PKD2L1: variants seen among roughly 807,000 people sequenced by gnomAD.
PKD2L1 encodes the protein polycystin 2 like 1, transient receptor potential cation channel.
In PKD2L1, 77 loss-of-function variants were observed where a neutral mutation model predicts 93.0. The observed-to-expected ratio is 0.83, with a 90% CI of 0.69 to 1.00. The LOEUF (loss-of-function observed/expected upper bound fraction) is 1.00. Among genes scored for constraint, PKD2L1 ranks in the 50% least tolerant of loss-of-function variants. The pLI is 0.00. For synonymous variants in PKD2L1, 390 were observed against 388.0 expected, an observed-to-expected ratio of 1.01 and a Z score of -0.06; for missense variants, 977 against 990.9, an observed-to-expected ratio of 0.99 and a Z score of 0.19.
At chr10:100,316,197 A>G (rs1849098098) in intron 2 of PKD2L1, among the ~76,000 whole-genome samples, 1 of 152,096 alleles carries the variant, frequency 6.6e-6, no homozygotes, top group Non-Finnish European at 1.5e-5. Flanking sequence ...TTTGAGACGG[A>G]GTCTTGCTTT....
chr10:100,327,630 C>T (rs1018493634), intron 2 of PKD2L1, among the ~76,000 whole-genome samples: 3 of 152,134 alleles, frequency 2.0e-5, no homozygotes, highest in Admixed American at 1.3e-4. Context: ...GCTGCTGTCA[C>T]GGGATCTGAA....
Position 100,295,070 on chromosome 10 carries a change from C to T in PKD2L1, c.1410G>A (p.Leu470=). 1 of 1,614,120 alleles carries T rather than the reference C, an allele frequency of 6.2e-7. No homozygotes were observed. The highest frequency in any genetic ancestry group is 8.5e-7 in the Non-Finnish European group (1 of 1,180,010). Residue 470 remains leucine, a synonymous_variant, in exon 8 of 16, where the codon CTG becomes CTA. Transcript: ENST00000318222. ...NKTMTQLSST[L]ARCAKDILGF... ...CCAGGATGTCCTTGGCACAGCGGGC[C>T]AGCGTGGAGGAGAGCTGGGTCATGG... is the stretch of plus-strand genomic sequence containing the variant.
rs1176781027 is a variant in PKD2L1 at position 100,306,876 on chromosome 10, AAGAG to A, written c.350-7162_350-7159del. On this transcript the variant is annotated intron_variant, in intron 2 of 15. Coordinates refer to ENST00000318222, the MANE Select transcript of PKD2L1 (RefSeq NM_016112.3). ...CTGTCAAAAAAAAAAAAAAAAAAGA[AAGAG>A]AGAGAAAGAAAGAAAGAAAAAACAA... Among the ~76,000 whole-genome samples the A allele has an allele frequency of 7.0e-4, 102 of 146,276 alleles. 1 individual carries two copies. The highest frequency in any genetic ancestry group is 2.5e-3 in the African/African-American group (97 of 39,392).
At chr10:100,322,214 G>A (rs61593299) in intron 2 of PKD2L1, among the ~76,000 whole-genome samples, 4 of 151,798 alleles carry the variant, frequency 2.6e-5, no homozygotes, top group Non-Finnish European at 5.9e-5. Flanking sequence ...AGCAAGGCCC[G>A]GTCTCAAAAC....
chr10:100,288,230 T>C lies in PKD2L1; in HGVS notation c.*166A>G. On this transcript the variant is annotated 3_prime_UTR_variant, in exon 16 of 16. Coordinates refer to ENST00000318222, the MANE Select transcript of PKD2L1 (RefSeq NM_016112.3). The stretch of plus-strand genomic sequence containing the variant: ...GAATAATGTCAGAACCCACCACATA[T>C]TAATTCAAAGATCTCTGAATCCTGA... 1 of 622,810 alleles carries C rather than the reference T, an allele frequency of 1.6e-6. No homozygotes were observed. Among genetic ancestry groups the C allele is most frequent in the African/African-American group, 1.8e-5 (1 of 55,098 alleles). The allele number at this position is 622,810 out of a possible 1,614,324, so 38.6% of individuals were successfully genotyped here. A position where few individuals can be genotyped will look rare whatever the true frequency, so the allele number is the denominator to read the frequency against.
At chr10:100,311,612 C>A (rs1467454543) in intron 2 of PKD2L1, among the ~76,000 whole-genome samples, 1 of 152,176 alleles carries the variant, frequency 6.6e-6, no homozygotes, top group Non-Finnish European at 1.5e-5. Flanking sequence ...AAACTTTGTA[C>A]ATCTCCTTTC....
rs540361660 is a variant in PKD2L1 at position 100,305,152 on chromosome 10, C to T, written c.350-5434G>A. Among the ~76,000 whole-genome samples, 82 of 150,746 alleles carry T rather than the reference C, an allele frequency of 5.4e-4. 1 individual carries two copies. The South Asian group carries it at 0.014, about 26-fold the overall frequency. On this transcript the variant is annotated intron_variant, in intron 2 of 15. Transcript: ENST00000318222. ...TTTGAGATGGAGTCTCGCACTGTCA[C>T]CCAGGCTGGAGTGCAGTGGCGTGAT...
chr10:100,290,700 T>C (rs1186728478), intron 12 of PKD2L1, among the ~76,000 whole-genome samples, 181 bp from the exon 13 acceptor site: 2 of 152,200 alleles, frequency 1.3e-5, no homozygotes, highest in Non-Finnish European at 2.9e-5. Flanking sequence ...GACCAACCTC[T>C]GGAGGAGTCA....
chr10:100,298,554 T>C lies in PKD2L1; in HGVS notation c.731+8A>G. 6.2e-7 allele frequency: 1 copy of C among 1,613,690 alleles called. No homozygotes were observed. The highest frequency in any genetic ancestry group is 8.5e-7 in the Non-Finnish European group (1 of 1,179,688). Reference sequence around the variant, plus strand: ...GCCCTGTGATATTGGTAGGACAGGCTCACTCACGCTGTGCCATTGAAGGGC... The same window carrying C: ...GCCCTGTGATATTGGTAGGACAGGCCCACTCACGCTGTGCCATTGAAGGGC... On this transcript the variant is annotated splice_region_variant and intron_variant, in intron 4 of 15. Coordinates refer to ENST00000318222, the MANE Select transcript of PKD2L1 (RefSeq NM_016112.3).
chr10:100,297,218 G>T lies in PKD2L1; in HGVS notation c.957-10C>A. 1 of 1,611,828 alleles carries T rather than the reference G, an allele frequency of 6.2e-7. No individual in the cohort carries two copies. The highest frequency in any genetic ancestry group is 8.5e-7 in the Non-Finnish European group (1 of 1,178,542). ...AAACTCCACCACCAGCCTATAGGGG[G>T]AGGGGGAGATGACCTCCAGTGGAGC... is the stretch of plus-strand genomic sequence containing the variant. On this transcript the variant is annotated splice_polypyrimidine_tract_variant and intron_variant, in intron 5 of 15. Transcript: ENST00000318222.
chr10:100,326,738 C>T (rs1262794338), intron 2 of PKD2L1, among the ~76,000 whole-genome samples: 1 of 152,102 alleles, frequency 6.6e-6, no homozygotes, highest in East Asian at 1.9e-4. Context: ...TGGGTAAGTA[C>T]GATGAGGAAA....
At chr10:100,319,052 C>T (rs1368652283) in intron 2 of PKD2L1, among the ~76,000 whole-genome samples, 1 of 151,864 alleles carries the variant, frequency 6.6e-6, no homozygotes, top group African/African-American at 2.4e-5. Flanking sequence ...CACCATGTTG[C>T]CCAGGCTGGT....
chr10:100,291,452 T>A, intron 11 of PKD2L1, 25 bp from the exon 12 acceptor site: 3 of 1,613,098 alleles, frequency 1.9e-6, no homozygotes, highest in Non-Finnish European at 2.5e-6. Flanking sequence ...ATGAAATGAT[T>A]TCTGCCCAGC....
In PKD2L1 at chr10:100,298,835, G is replaced by A. The variant is rs1176968173; in HGVS notation, c.478-20C>T. On this transcript the variant is annotated intron_variant, in intron 3 of 15. Transcript: ENST00000318222. ...GGCAAACTGAACCACAAGCTGGCTT[G>A]AACCTTACCCAGCCTCCTCCTGACC... The A allele has an allele frequency of 6.2e-7, 1 of 1,601,416 alleles. No individual in the cohort carries two copies. The highest frequency in any genetic ancestry group is 1.1e-5 in the South Asian group (1 of 90,130).
rs754417668 is a variant in PKD2L1 at position 100,329,282 on chromosome 10, C to T, written c.278G>A (p.Arg93Gln). The T allele has an allele frequency of 1.9e-5, 30 of 1,613,966 alleles. No individual in the cohort carries two copies. Among genetic ancestry groups the T allele is most frequent in the African/African-American group, 9.3e-5 (7 of 74,902 alleles). The change falls in exon 2 of 16, where the codon CGG (arginine) becomes CAG (glutamine). Residue 93 changes from arginine (R) to glutamine (Q), a missense_variant. Coordinates refer to ENST00000318222, the MANE Select transcript of PKD2L1 (RefSeq NM_016112.3). Reference sequence around the variant, plus strand: ...CAGGGTGGTCTTGATATAAAGTTCCCGGTTCTCAGCTGTGTTCTCAGTCAG... The same window carrying T: ...CAGGGTGGTCTTGATATAAAGTTCCTGGTTCTCAGCTGTGTTCTCAGTCAG... Reference protein sequence around the residue: ...TTLTENTAENRELYIKTTLRE... With the variant: ...TTLTENTAENQELYIKTTLRE...
At chr10:100,329,392 CTG>C (rs1849453795) in intron 1 of PKD2L1, 68 bp from the exon 2 acceptor site, 1 of 1,610,772 alleles carries the variant, frequency 6.2e-7, no homozygotes, top group African/African-American at 1.3e-5. Context: ...CCCCACCCAT[CTG>C]TCTCTGGACT....
intron 11 of PKD2L1, among the ~76,000 whole-genome samples, chr10:100,291,742 A>G (rs184269183): frequency 3.1e-4 from 47 of 152,198 alleles, no homozygotes; most frequent in Admixed American, 2.6e-3. Flanking sequence ...ATCCTCCATA[A>G]TACAACTAGA....
intron 14 of PKD2L1, among the ~76,000 whole-genome samples, chr10:100,289,544 AAT>A (rs1848356834): frequency 6.6e-6 from 1 of 151,900 alleles, no homozygotes; most frequent in Non-Finnish European, 1.5e-5. Context: ...CATCTCAAAT[AAT>A]AATAATAATA....
intron 2 of PKD2L1, among the ~76,000 whole-genome samples, chr10:100,300,784 G>A (rs1197055095): frequency 6.6e-6 from 1 of 152,084 alleles, no homozygotes; most frequent in African/African-American, 2.4e-5. Context: ...ATTAATACGT[G>A]TTTTTGTGGG....
Sources: allele counts gnomAD v4.1 joint callset (sites outside exome capture counted in the v4.1 genomes callset), GRCh38; gene constraint gnomAD v4.1.1; transcripts MANE v1.5; gene names NCBI Gene and HGNC (gene_info 2026-07-23, HGNC 2026-07-21).